The following USHBP1 variants were observed in gnomAD, a reference collection of about 807,000 sequenced individuals.
USHBP1 encodes USH1 protein network component harmonin binding protein 1.
USHBP1 carries 67 observed loss-of-function variants against 76.2 expected under a neutral mutation model. The ratio of observed to expected loss-of-function variants is 0.88; its 90% CI spans 0.72 to 1.08. USHBP1 has a LOEUF of 1.08. USHBP1 is among the 50% of genes least tolerant of loss of function. The pLI is 0.00. For missense variants in USHBP1, 931 were observed against 915.0 expected (o/e 1.02, Z -0.23); for synonymous variants, 322 against 362.2 (o/e 0.89, Z 1.26).
chr19:17,258,708 CAAAA>C (rs34398867), intron 7 of USHBP1: 265 of 95,232 alleles, frequency 2.8e-3, no homozygotes, highest in South Asian at 5.8e-3. Flanking sequence ...GACTCTGTCT[CAAAA>C]AAAAAAAAAA....
intron 8 of USHBP1, 119 bp downstream of exon 8, chr19:17,258,093 C>T: frequency 7.0e-7 from 1 of 1,421,250 alleles, no homozygotes; most frequent in Non-Finnish European, 9.7e-7. Flanking sequence ...GAGCTCCATA[C>T]CGACCTTGCT....
chr19:17,253,909 AG>A (rs1330104627), intron 10 of USHBP1, among the ~76,000 whole-genome samples: 12 of 148,766 alleles, frequency 8.1e-5, no homozygotes, highest in African/African-American at 2.7e-4. Context: ...AAAAAAAAAA[AG>A]AAAAAAAAAA....
Position 17,258,405 on chromosome 19 carries a change from A to G in USHBP1, c.1047-20T>C. 6.2e-7 allele frequency: 1 copy of G among 1,608,876 alleles called. No homozygotes were observed. The highest frequency in any genetic ancestry group is 8.5e-7 in the Non-Finnish European group (1 of 1,177,384). ...TGTTCACTGTGGGACACTGGTTCTG[A>G]GTGCTTCAGGACACTCAGCTCGGCT... On this transcript the variant is annotated intron_variant, in intron 7 of 12. Transcript: ENST00000252597.
chr19:17,256,712 C>A lies in USHBP1; in HGVS notation c.1229G>T (p.Gly410Val), dbSNP rs767567532. ...AQQNPQPSPE[G>V]SSVDKPTPQE... ...TGGGGTGGGCTTATCCACACTGCTG[C>A]CTTCAGGGCTATAGAAAACAGAAAA... Residue 410 changes from glycine to valine, a missense_variant, in exon 9 of 13, where the codon GGC (glycine) becomes GTC (valine). Physicochemically the swap from Gly to Val is moderately radical, Grantham distance 109. Transcript: ENST00000252597. The A allele has an allele frequency of 6.2e-7, 1 of 1,614,142 alleles. No individual in the cohort carries two copies. The highest frequency in any genetic ancestry group is 8.5e-7 in the Non-Finnish European group (1 of 1,180,040).
chr19:17,250,019 A>C lies in USHBP1; in HGVS notation c.*206T>G. The C allele has an allele frequency of 1.7e-6, 1 of 598,904 alleles. No homozygotes were observed. Among genetic ancestry groups the C allele is most frequent in the Non-Finnish European group, 2.9e-6 (1 of 348,718 alleles). The allele number at this position is 598,904 out of a possible 1,614,324, so 37.1% of individuals were successfully genotyped here. Reference sequence around the variant, plus strand: ...CCCACTGATATGAAGTTCACATTCCACTTGGTGCCAGGCCAAAGACACCTG... The same window carrying C: ...CCCACTGATATGAAGTTCACATTCCCCTTGGTGCCAGGCCAAAGACACCTG... On this transcript the variant is annotated 3_prime_UTR_variant, in exon 13 of 13. Transcript: ENST00000252597.
intron 3 of USHBP1, 49 bp from the exon 4 acceptor site, chr19:17,263,039 A>T: frequency 6.7e-7 from 1 of 1,482,384 alleles, no homozygotes; most frequent in South Asian, 1.5e-5. Context: ...TGGGCAAGGA[A>T]TTCTTTTTTA....
chr19:17,256,432 C>A (rs1264609558), intron 9 of USHBP1, 39 bp downstream of exon 9: 1 of 1,608,344 alleles, frequency 6.2e-7, no homozygotes, highest in East Asian at 2.2e-5. Flanking sequence ...TTTTGTCCCA[C>A]CAAGAAAGAC....
chr19:17,251,667 T>C lies in USHBP1; in HGVS notation c.1837A>G (p.Arg613Gly), dbSNP rs1395937355. 1.9e-6 allele frequency: 3 copies of C among 1,613,870 alleles called. No homozygotes were observed. The highest frequency in any genetic ancestry group is 1.1e-5 in the South Asian group (1 of 91,082). ...TTCTGAGCCACCTGTTCCAGCTCCC[T>C]GCGCAGAGACTGCAGCTGCTCCTGC... ...DLQEQLQSLRRELEQVAQKGR... is the reference protein window; with the variant it reads ...DLQEQLQSLRGELEQVAQKGR... Residue 613 changes from arginine (R) to glycine (G), a missense_variant, in exon 12 of 13, where the codon AGG (arginine) becomes GGG (glycine). Transcript: ENST00000252597.
In USHBP1 at chr19:17,261,556, G is replaced by A. The variant is rs185087276; in HGVS notation, c.642+996C>T. Reference sequence around the variant, plus strand: ...TCACCGTGTTAGCCAGGATGGTCTCGATCTCCTGACCTCGTGATCTGTGCC... The same window carrying A: ...TCACCGTGTTAGCCAGGATGGTCTCAATCTCCTGACCTCGTGATCTGTGCC... On this transcript the variant is annotated intron_variant, in intron 4 of 12. Coordinates refer to ENST00000252597, the MANE Select transcript of USHBP1 (RefSeq NM_031941.4). 3.2e-3 allele frequency among the ~76,000 whole-genome samples: 489 copies of A among 150,656 alleles called. 4 individuals are homozygous for A. Among genetic ancestry groups the A allele is most frequent in the African/African-American group, 0.011 (465 of 41,008 alleles).
rs967830578 is a variant in USHBP1 at position 17,249,966 on chromosome 19, C to G, written c.*259G>C. ...ATGCGTCAGTCCCAGGGACCTGGTC[C>G]CATAGCCCAGGTTGCTTCTGGCCTG... is the stretch of plus-strand genomic sequence containing the variant. On this transcript the variant is annotated 3_prime_UTR_variant, in exon 13 of 13. Coordinates refer to ENST00000252597, the MANE Select transcript of USHBP1 (RefSeq NM_031941.4). 2.0e-6 allele frequency: 1 copy of G among 499,432 alleles called. No individual in the cohort carries two copies. The highest frequency in any genetic ancestry group is 2.0e-5 in the African/African-American group (1 of 49,322). 30.9% of individuals were successfully genotyped at this position (499,432 alleles called of 1,614,324 possible).
chr19:17,251,836 G>GCA, intron 11 of USHBP1, 75 bp downstream of exon 11: 1 of 1,527,656 alleles, frequency 6.5e-7, no homozygotes, highest in East Asian at 2.4e-5. Flanking sequence ...AGCTTCTACT[G>GCA]CAGACGACAC....
Position 17,262,534 on chromosome 19 carries a change from C to A in USHBP1, c.642+18G>T. 1 of 1,586,966 alleles carries A rather than the reference C, an allele frequency of 6.3e-7. No individual in the cohort carries two copies. ...CTCAGACAGAGAGCCACATGGGACTCAGGATGGCCCCACTCACCTCTTTCT... is the reference window on the plus strand; with the variant it reads ...CTCAGACAGAGAGCCACATGGGACTAAGGATGGCCCCACTCACCTCTTTCT... On this transcript the variant is annotated intron_variant, in intron 4 of 12. Coordinates refer to ENST00000252597, the MANE Select transcript of USHBP1 (RefSeq NM_031941.4).
Position 17,250,341 on chromosome 19 carries a change from C to G in USHBP1, c.1996G>C (p.Ala666Pro). The part of the protein sequence containing the change: ...EQRRKLEQQM[A>P]LMEAQQAEEV... Reference sequence around the variant, plus strand: ...TCGGCCTGCTGAGCCTCCATGAGTGCCATCTGCTGCTCCAACTTCCGGCGT... The same window carrying G: ...TCGGCCTGCTGAGCCTCCATGAGTGGCATCTGCTGCTCCAACTTCCGGCGT... Residue 666 changes from alanine (A) to proline (P), a missense_variant, in exon 13 of 13, where the codon GCA (alanine) becomes CCA (proline). By Grantham distance (27) the Ala-to-Pro change is conservative. Coordinates refer to ENST00000252597, the MANE Select transcript of USHBP1 (RefSeq NM_031941.4). The G allele has an allele frequency of 6.2e-7, 1 of 1,613,766 alleles. No homozygotes were observed. Among genetic ancestry groups the G allele is most frequent in the Non-Finnish European group, 8.5e-7 (1 of 1,179,948 alleles).
intron 12 of USHBP1, among the ~76,000 whole-genome samples, 178 bp from the exon 13 acceptor site, chr19:17,250,592 C>G (rs144491905): frequency 1.3e-5 from 2 of 152,174 alleles, no homozygotes; most frequent in East Asian, 3.8e-4. Context: ...CGCTTGTCAC[C>G]CAGGCTGGAG....
Position 17,262,878 on chromosome 19 carries a change from T to C in USHBP1, c.316A>G (p.Lys106Glu), listed in dbSNP as rs2145596157. The change falls in exon 4 of 13, where the codon AAG (lysine) becomes GAG (glutamate). Residue 106 changes from lysine to glutamate, a missense_variant. Coordinates refer to ENST00000252597, the MANE Select transcript of USHBP1 (RefSeq NM_031941.4). ...CCATTCCCAGGGGGCACAGTCTCCT[T>C]GTACTGTAGGGCTGCTTCTGGGGCT... ...HQAPEAALQY[K>E]ETVPPGNGAP... 1 of 1,605,996 alleles carries C rather than the reference T, an allele frequency of 6.2e-7. No individual in the cohort carries two copies. The highest frequency in any genetic ancestry group is 8.5e-7 in the Non-Finnish European group (1 of 1,174,454).
chr19:17,250,229 A>C lies in USHBP1; in HGVS notation c.2108T>G (p.Leu703Arg). Residue 703 changes from leucine (L) to arginine (R), a missense_variant, in exon 13 of 13, where the codon CTG becomes CGG. Coordinates refer to ENST00000252597, the MANE Select transcript of USHBP1 (RefSeq NM_031941.4). ...LPPPQLGDTF[L>R] ...AGACATGGCTGGGTAAGGGGCCTAC[A>C]GAAAGGTGTCCCCAAGCTGGGGAGG... 6.2e-7 allele frequency: 1 copy of C among 1,607,248 alleles called. No individual in the cohort carries two copies. The highest frequency in any genetic ancestry group is 1.3e-5 in the African/African-American group (1 of 74,790).
At position 17,259,102 on chromosome 19, in the gene USHBP1, T is replaced by A. The variant is rs575794780; in HGVS notation, c.1046+187A>T. ...ATCATTTGAACCCAGGAGGCAGAGG[T>A]TGCAGTGAGCTGAGATCTCACCACT... is the stretch of plus-strand genomic sequence containing the variant. On this transcript the variant is annotated intron_variant, in intron 7 of 12. Coordinates refer to ENST00000252597, the MANE Select transcript of USHBP1 (RefSeq NM_031941.4). Among the ~76,000 whole-genome samples the A allele has an allele frequency of 3.9e-5, 6 of 152,036 alleles. No individual in the cohort carries two copies. The East Asian group carries it at 1.2e-3, about 29-fold the overall frequency.
chr19:17,255,402 C>T lies in USHBP1; in HGVS notation c.1675G>A (p.Glu559Lys), dbSNP rs759682579. The T allele has an allele frequency of 2.0e-5, 32 of 1,613,830 alleles. No homozygotes were observed. Among genetic ancestry groups the T allele is most frequent in the Middle Eastern group, 1.6e-4 (1 of 6,082 alleles). ...HSSGGGSSGD[E>K]EEWYQGLPAV... ...CAGCTCACCTGATACCACTCTTCCT[C>T]GTCCCCGCTGCTGCCACCTCCGCTG... Residue 559 changes from glutamate (E) to lysine (K), a missense_variant, in exon 10 of 13, where the codon GAG (glutamate) becomes AAG (lysine). Physicochemically the swap from Glu to Lys is moderately conservative, Grantham distance 56 (BLOSUM62 1). Coordinates refer to ENST00000252597, the MANE Select transcript of USHBP1 (RefSeq NM_031941.4).
At chr19:17,261,203 A>G (rs1599477241) in intron 4 of USHBP1, among the ~76,000 whole-genome samples, 1 of 148,878 alleles carries the variant, frequency 6.7e-6, no homozygotes, top group South Asian at 2.1e-4. Flanking sequence ...GGCTCCCCAC[A>G]CTCTCCCTGT....
Sources: gnomAD v4.1 joint callset for allele counts (sites outside exome capture counted in the v4.1 genomes callset) on GRCh38, gnomAD v4.1.1 for gene constraint, MANE v1.5 for transcripts, NCBI Gene and HGNC (gene_info 2026-07-23, HGNC 2026-07-21) for gene names.